Variants in PDE4D observed in about 807,000 individuals in gnomAD.
The protein encoded by PDE4D is 3',5'-cyclic-AMP phosphodiesterase 4D.
In PDE4D, 24 loss-of-function variants were observed where a neutral mutation model predicts 87.4. That is an observed-to-expected ratio of 0.27 (90% CI 0.20 to 0.39). The LOEUF (loss-of-function observed/expected upper bound fraction) is 0.39. Among genes scored for constraint, PDE4D ranks in the 10% least tolerant of loss-of-function variants. PDE4D has a pLI of 1.00. For missense variants in PDE4D, 714 were observed against 1,041.0 expected (o/e 0.69, Z 4.32); for synonymous variants, 384 against 383.2 (o/e 1.00, Z -0.02).
At chr5:59,668,818 A>AGAG (rs1746561586) in intron 1 of PDE4D, among the ~76,000 whole-genome samples, 1 of 93,748 alleles carries the variant, frequency 1.1e-5, no homozygotes, top group African/African-American at 5.2e-5. Context: ...AAGAAGAAGA[A>AGAG]GAAGAAGAAG....
intron 1 of PDE4D, among the ~76,000 whole-genome samples, chr5:59,347,304 T>C (rs1404005130): frequency 1.3e-5 from 2 of 152,112 alleles, no homozygotes; most frequent in Non-Finnish European, 2.9e-5. Context: ...CAGTGGGTAA[T>C]CCACAAATCA....
intron 1 of PDE4D, among the ~76,000 whole-genome samples, chr5:59,520,205 G>A (rs988893073): frequency 6.6e-6 from 1 of 152,150 alleles, no homozygotes; most frequent in African/African-American, 2.4e-5. Flanking sequence ...AGAGGTTATG[G>A]TGAGCCAAGA....
intron 1 of PDE4D, among the ~76,000 whole-genome samples, chr5:59,634,010 C>A (rs1831920528): frequency 6.6e-6 from 1 of 151,736 alleles, no homozygotes; most frequent in Admixed American, 6.6e-5. Flanking sequence ...TGCAAACACA[C>A]ACACAGGCTC....
At chr5:60,102,472 C>T (rs1023446830) in intron 2 of PDE4D, among the ~76,000 whole-genome samples, 1 of 152,032 alleles carries the variant, frequency 6.6e-6, no homozygotes, top group African/African-American at 2.4e-5. Flanking sequence ...GGTAGGAAAG[C>T]AAGGCTGCAT....
At chr5:60,114,658 G>T (rs150074314) in intron 2 of PDE4D, among the ~76,000 whole-genome samples, 1 of 152,164 alleles carries the variant, frequency 6.6e-6, no homozygotes, top group Non-Finnish European at 1.5e-5. Flanking sequence ...GCCCCAAAAT[G>T]CTTTGCTTTA....
chr5:59,120,132 CA>C (rs1264595578), intron 5 of PDE4D, among the ~76,000 whole-genome samples: 1 of 152,164 alleles, frequency 6.6e-6, no homozygotes, highest in Non-Finnish European at 1.5e-5. Context: ...CAAGCTCAAT[CA>C]AAAGTCCTAC....
At chr5:59,267,180 G>A (rs934788312) in intron 1 of PDE4D, among the ~76,000 whole-genome samples, 1 of 151,972 alleles carries the variant, frequency 6.6e-6, no homozygotes, top group Non-Finnish European at 1.5e-5. Flanking sequence ...ATCACAGCCC[G>A]CTGTTGCCTA....
intron 5 of PDE4D, among the ~76,000 whole-genome samples, chr5:59,095,998 C>T (rs1769630831): frequency 6.6e-6 from 1 of 152,072 alleles, no homozygotes; most frequent in Admixed American, 6.6e-5. Context: ...TGTACAAAGC[C>T]GTGTGCTAGT....
chr5:59,521,460 T>A (rs935752173), intron 1 of PDE4D, among the ~76,000 whole-genome samples: 2 of 152,168 alleles, frequency 1.3e-5, no homozygotes, highest in Non-Finnish European at 2.9e-5. Flanking sequence ...GATTTTTTTG[T>A]TTCCTAATCC....
At chr5:59,030,466 A>C (rs1240878903) in intron 6 of PDE4D, among the ~76,000 whole-genome samples, 1 of 149,188 alleles carries the variant, frequency 6.7e-6, no homozygotes, top group Non-Finnish European at 1.5e-5. Flanking sequence ...CCAGCCCTGC[A>C]CAGTGGCTCA....
chr5:60,066,063 TG>T (rs1440216492), intron 2 of PDE4D, among the ~76,000 whole-genome samples: 1 of 151,964 alleles, frequency 6.6e-6, no homozygotes, highest in African/African-American at 2.4e-5. Flanking sequence ...AGTGTAAAAG[TG>T]TTCCTATTTC....
chr5:60,213,512 C>T (rs948841681), intron 1 of PDE4D, among the ~76,000 whole-genome samples: 3 of 152,208 alleles, frequency 2.0e-5, no homozygotes, highest in Admixed American at 6.5e-5. Context: ...GGAGTCATTT[C>T]TGGAAGCCTA....
intron 1 of PDE4D, among the ~76,000 whole-genome samples, chr5:60,250,638 T>C (rs1439307267): frequency 6.6e-6 from 1 of 151,986 alleles, no homozygotes; most frequent in Non-Finnish European, 1.5e-5. Context: ...TGTAGCAATG[T>C]TGGCATAAAA....
chr5:59,248,882 G>A (rs1351713129), intron 1 of PDE4D, among the ~76,000 whole-genome samples: 1 of 152,020 alleles, frequency 6.6e-6, no homozygotes, highest in Admixed American at 6.6e-5. Flanking sequence ...CAGATTAAGA[G>A]CTAGGTTAAA....
chr5:60,468,137 C>CTTTCTTTT (rs1747520519), intron 1 of PDE4D, among the ~76,000 whole-genome samples: 1 of 141,218 alleles, frequency 7.1e-6, no homozygotes, highest in Admixed American at 7.1e-5. Flanking sequence ...TTTCTTTTTT[C>CTTTCTTTT]TTTTTTTTTT....
chr5:60,218,719 G>C (rs1744154009), intron 1 of PDE4D, among the ~76,000 whole-genome samples: 2 of 152,008 alleles, frequency 1.3e-5, no homozygotes, highest in Admixed American at 6.5e-5. Flanking sequence ...CTATTTTAGG[G>C]TTGTTTGGGG....
At chr5:60,056,782 G>C (rs1181702993) in intron 2 of PDE4D, among the ~76,000 whole-genome samples, 1 of 151,870 alleles carries the variant, frequency 6.6e-6, no homozygotes, top group Non-Finnish European at 1.5e-5. Context: ...TACCTTTGAT[G>C]ATCACCATTT....
intron 1 of PDE4D, among the ~76,000 whole-genome samples, chr5:60,197,711 T>C (rs1038213725): frequency 1.3e-5 from 2 of 151,640 alleles, no homozygotes; most frequent in African/African-American, 2.4e-5. Flanking sequence ...GCCGGCAGAC[T>C]GTACAAACAG....
chr5:59,045,027 A>G (rs1269740926), intron 5 of PDE4D, among the ~76,000 whole-genome samples: 3 of 152,216 alleles, frequency 2.0e-5, no homozygotes, highest in Non-Finnish European at 2.9e-5. Flanking sequence ...TGATGAAAAG[A>G]GTGTGTCCCT....
Sources: gnomAD v4.1 joint callset for allele counts (sites outside exome capture counted in the v4.1 genomes callset) on GRCh38, gnomAD v4.1.1 for gene constraint, MANE v1.5 for transcripts, NCBI Gene and HGNC (gene_info 2026-07-23, HGNC 2026-07-21) for gene names.